DPP6: variants seen among roughly 807,000 people sequenced by gnomAD.
The protein encoded by DPP6 is dipeptidyl peptidase like 6, also known as A-type potassium channel modulatory protein DPP6.
DPP6 carries 69 observed loss-of-function variants against 122.6 expected under a neutral mutation model. The observed-to-expected ratio is 0.56, with a 90% CI of 0.46 to 0.69. DPP6 has a LOEUF of 0.69. Among genes scored for constraint, DPP6 ranks in the 30% least tolerant of loss-of-function variants. The pLI is 0.00. For missense variants in DPP6, 928 were observed against 1,116.9 expected (o/e 0.83, Z 2.41); for synonymous variants, 418 against 433.1 (o/e 0.97, Z 0.43).
chr7:153,762,373 T>A, the DPP6 span, among the ~76,000 whole-genome samples: 1 of 152,258 alleles, frequency 6.6e-6, no homozygotes, highest in Non-Finnish European at 1.5e-5. Flanking sequence ...GCTTTTGTAG[T>A]GGTGCAACAT....
At chr7:154,422,598 G>C (rs1817554500) in intron 1 of DPP6, among the ~76,000 whole-genome samples, 1 of 151,998 alleles carries the variant, frequency 6.6e-6, no homozygotes, top group African/African-American at 2.4e-5. Context: ...ATGGGTAGAT[G>C]GATGGTTGGA....
intron 8 of DPP6, among the ~76,000 whole-genome samples, chr7:154,763,379 A>G (rs902527604): frequency 3.3e-5 from 5 of 151,468 alleles, no homozygotes; most frequent in African/African-American, 4.9e-5. Flanking sequence ...AGAGAGAGAA[A>G]GAAAGAAAGG....
intron 1 of DPP6, among the ~76,000 whole-genome samples, chr7:153,927,610 A>G (rs1800960827): frequency 1.3e-5 from 2 of 152,254 alleles, no homozygotes; most frequent in Admixed American, 1.3e-4. Context: ...CAAGAAGCAC[A>G]TCATGTCGTC....
chr7:153,995,600 A>G (rs1488321026), intron 1 of DPP6, among the ~76,000 whole-genome samples: 1 of 151,648 alleles, frequency 6.6e-6, no homozygotes, highest in Non-Finnish European at 1.5e-5. Flanking sequence ...AAAAAAAAAA[A>G]AAAAAAAAGA....
intron 17 of DPP6, among the ~76,000 whole-genome samples, chr7:154,859,735 C>CAA (rs1389062743): frequency 1.3e-5 from 2 of 152,172 alleles, no homozygotes; most frequent in Admixed American, 1.3e-4. Context: ...GATATTCAAA[C>CAA]AAACAACTTA....
rs188085862 is a variant in DPP6, at chr7:154,326,412, A to G, written c.244-119802A>G. ...ATAAAAGTCAGAGCTCAAAGTCTAT[A>G]TATACTGTCACAAAACAAGGATGCA... On this transcript the variant is annotated intron_variant, in intron 1 of 25. Transcript: ENST00000377770. 7.9e-5 allele frequency among the ~76,000 whole-genome samples: 12 copies of G among 152,288 alleles called. No individual in the cohort carries two copies. The East Asian group carries it at 2.3e-3, about 29-fold the overall frequency.
chr7:154,815,779 C>T (rs531792023), intron 16 of DPP6, among the ~76,000 whole-genome samples: 20 of 152,306 alleles, frequency 1.3e-4, no homozygotes, highest in Middle Eastern at 6.8e-3. Context: ...CTCTCACCCC[C>T]GCCCCTTTCA....
chr7:153,936,731 A>G (rs537922061), intron 1 of DPP6, among the ~76,000 whole-genome samples: 328 of 152,108 alleles, frequency 2.2e-3, no homozygotes, highest in African/African-American at 7.4e-3. Context: ...AAATGGCGTG[A>G]ACCTGGGAGG....
At chr7:153,959,693 G>C (rs570139075) in intron 1 of DPP6, among the ~76,000 whole-genome samples, 35 of 152,358 alleles carry the variant, frequency 2.3e-4, no homozygotes, top group Non-Finnish European at 4.4e-4. Flanking sequence ...TTGTCTTAAG[G>C]GAATGTGGTG....
At chr7:154,885,521 G>T in intron 21 of DPP6, 112 bp from the exon 22 acceptor site, 1 of 1,397,726 alleles carries the variant, frequency 7.2e-7, no homozygotes, top group Non-Finnish European at 9.5e-7. Flanking sequence ...TTTTGTAAAA[G>T]GAGAGAACCT....
chr7:154,870,265 A>C, intron 18 of DPP6, among the ~76,000 whole-genome samples: 1 of 150,932 alleles, frequency 6.6e-6, no homozygotes. Context: ...TATAGGTGTC[A>C]GCCATCATGC....
chr7:153,791,321 G>T, the DPP6 span, among the ~76,000 whole-genome samples: 3 of 151,728 alleles, frequency 2.0e-5, no homozygotes, highest in Non-Finnish European at 4.4e-5. Flanking sequence ...GATTTTTGCA[G>T]TGCAGTGCAC....
the DPP6 span, among the ~76,000 whole-genome samples, chr7:153,824,126 C>G: frequency 6.6e-6 from 1 of 152,182 alleles, no homozygotes; most frequent in Non-Finnish European, 1.5e-5. Context: ...CGGTGGCTTA[C>G]GCCCATAATC....
the DPP6 span, among the ~76,000 whole-genome samples, chr7:153,875,739 A>G: frequency 6.6e-6 from 1 of 152,134 alleles, no homozygotes; most frequent in East Asian, 1.9e-4. Context: ...ATCAATAAAC[A>G]TAATTAACTC....
intron 1 of DPP6, among the ~76,000 whole-genome samples, chr7:154,395,425 C>A (rs1814994947): frequency 6.6e-6 from 1 of 152,186 alleles, no homozygotes; most frequent in Non-Finnish European, 1.5e-5. Context: ...TCTTTAATTT[C>A]TTTCAGCAAG....
chr7:154,422,371 T>C (rs902341107), intron 1 of DPP6, among the ~76,000 whole-genome samples: 9 of 152,324 alleles, frequency 5.9e-5, no homozygotes, highest in Non-Finnish European at 1.3e-4. Flanking sequence ...CAAATTTGTG[T>C]ATGTGGGTGG....
intron 1 of DPP6, among the ~76,000 whole-genome samples, chr7:154,165,113 G>A (rs1282934894): frequency 2.0e-5 from 3 of 148,366 alleles, no homozygotes; most frequent in Admixed American, 6.7e-5. Context: ...CCACTAACTC[G>A]TCATCTAGCA....
At chr7:154,273,170 A>G (rs1474170813) in intron 1 of DPP6, among the ~76,000 whole-genome samples, 2 of 152,176 alleles carry the variant, frequency 1.3e-5, no homozygotes, top group Non-Finnish European at 2.9e-5. Flanking sequence ...TTTGAGTGCA[A>G]TCAATTTGCA....
intron 7 of DPP6, among the ~76,000 whole-genome samples, chr7:154,697,591 A>G (rs755768668): frequency 1.3e-5 from 2 of 152,212 alleles, no homozygotes; most frequent in Non-Finnish European, 2.9e-5. Flanking sequence ...GGTCACATGG[A>G]TACGTTATGG....
Sources: gnomAD v4.1 joint callset for allele counts (sites outside exome capture counted in the v4.1 genomes callset) on GRCh38, gnomAD v4.1.1 for gene constraint, MANE v1.5 for transcripts, NCBI Gene and HGNC (gene_info 2026-07-23, HGNC 2026-07-21) for gene names.